The following ABHD17C variants were observed in gnomAD, a reference collection of about 807,000 sequenced individuals.
ABHD17C encodes abhydrolase domain containing 17C, depalmitoylase.
Under a neutral mutation model 27.9 loss-of-function variants are expected in ABHD17C, and 11 were observed. The ratio of observed to expected loss-of-function variants is 0.39; its 90% CI spans 0.25 to 0.65. ABHD17C has a LOEUF of 0.65. ABHD17C is among the 30% of genes least tolerant of loss of function. The pLI, the probability that ABHD17C is intolerant of heterozygous loss-of-function variation, is 0.45. For synonymous variants in ABHD17C, 233 were observed against 209.1 expected (o/e 1.11, Z -0.98); for missense variants, 280 against 470.2 (o/e 0.60, Z 3.74).
intron 1 of ABHD17C, among the ~76,000 whole-genome samples, chr15:80,715,312 A>G (rs1254806533): frequency 6.6e-6 from 1 of 152,224 alleles, no homozygotes; most frequent in African/African-American, 2.4e-5. Flanking sequence ...TCAGAGGAAG[A>G]TGGCTGAGGA....
At chr15:80,746,219 C>G (rs1895281118) in intron 1 of ABHD17C, among the ~76,000 whole-genome samples, 1 of 151,486 alleles carries the variant, frequency 6.6e-6, no homozygotes, top group Non-Finnish European at 1.5e-5. Flanking sequence ...CTTTTTTTCT[C>G]TTTCTCTGTC....
At chr15:80,746,384 A>G (rs971565864) in intron 1 of ABHD17C, among the ~76,000 whole-genome samples, 1 of 151,306 alleles carries the variant, frequency 6.6e-6, no homozygotes, top group Admixed American at 6.6e-5. Flanking sequence ...TCACTTTCTT[A>G]TGGGTGTCTT....
chr15:80,715,274 A>G (rs560901634), intron 1 of ABHD17C, among the ~76,000 whole-genome samples: 1 of 152,200 alleles, frequency 6.6e-6, no homozygotes, highest in African/African-American at 2.4e-5. Flanking sequence ...GGTTCTGACC[A>G]CTTTACCATT....
chr15:80,728,927 TA>T (rs1267748948), intron 1 of ABHD17C, among the ~76,000 whole-genome samples: 1 of 152,226 alleles, frequency 6.6e-6, no homozygotes, highest in African/African-American at 2.4e-5. Context: ...ACAGATTTTC[TA>T]AAGTCTGTAT....
intron 1 of ABHD17C, among the ~76,000 whole-genome samples, chr15:80,716,365 G>A (rs760531890): frequency 2.0e-5 from 3 of 151,960 alleles, no homozygotes; most frequent in African/African-American, 7.2e-5. Context: ...CAAGACCACA[G>A]GGACAGCCGC....
intron 1 of ABHD17C, among the ~76,000 whole-genome samples, chr15:80,710,515 G>T (rs57783949): frequency 0.21 from 32,025 of 152,096 alleles, 3,515 homozygotes; most frequent in Middle Eastern, 0.33. Flanking sequence ...CAATTAGGAT[G>T]CAAATGCAGT....
chr15:80,752,038 A>G (rs1260834160), intron 2 of ABHD17C, among the ~76,000 whole-genome samples: 1 of 152,226 alleles, frequency 6.6e-6, no homozygotes, highest in African/African-American at 2.4e-5. Context: ...TATTTCATTT[A>G]TAGTTTATTT....
chr15:80,730,775 C>T (rs1271337661), intron 1 of ABHD17C, among the ~76,000 whole-genome samples: 1 of 152,066 alleles, frequency 6.6e-6, no homozygotes, highest in Non-Finnish European at 1.5e-5. Flanking sequence ...GCTGCTTTGT[C>T]TCTGGTTATT....
chr15:80,713,085 C>CAT (rs545736484), intron 1 of ABHD17C, among the ~76,000 whole-genome samples: 4 of 144,072 alleles, frequency 2.8e-5, no homozygotes, highest in African/African-American at 1.0e-4. Flanking sequence ...CTTTGTAAGT[C>CAT]TTTTTTTTTT....
chr15:80,724,028 C>G lies in ABHD17C; in HGVS notation c.591-25485C>G, dbSNP rs1181113704. 2.6e-5 allele frequency among the ~76,000 whole-genome samples: 4 copies of G among 152,146 alleles called. No individual in the cohort carries two copies. The East Asian group carries it at 7.7e-4, about 29-fold the overall frequency. ...GACCAGCCTGGCCAACATGGTGAAA[C>G]CCTGTCTCTACTGAAAATACAAAAA... On this transcript the variant is annotated intron_variant, in intron 1 of 2. Transcript: ENST00000258884.
chr15:80,695,496 C>T lies in ABHD17C; in HGVS notation c.67C>T (p.Pro23Ser), dbSNP rs1404160939. The T allele has an allele frequency of 7.2e-7, 1 of 1,390,926 alleles. No individual in the cohort carries two copies. 86.2% of individuals were successfully genotyped at this position (1,390,926 alleles called of 1,614,324 possible). ...TGAGCTGTGCTGGCTCTTCTGCTGC[C>T]CGCCCTGCCCGAGCCGCATCGCCGC... The part of the protein sequence containing the change: ...LGELCWLFCC[P>S]PCPSRIAAKL... The change falls in exon 1 of 3, where the codon CCG becomes TCG. Residue 23 changes from proline to serine, a missense_variant. Pro to Ser is a moderately conservative substitution (Grantham distance 74). Coordinates refer to ENST00000258884, the MANE Select transcript of ABHD17C (RefSeq NM_021214.2). This position sits in a 1 kb window ranked among gnomAD's most constrained non-coding sequence, Gnocchi z 4.3.
At chr15:80,729,733 G>A (rs1344076652) in intron 1 of ABHD17C, among the ~76,000 whole-genome samples, 2 of 152,208 alleles carry the variant, frequency 1.3e-5, no homozygotes, top group Non-Finnish European at 2.9e-5. Context: ...GAACTTGCAC[G>A]TTTGATATGT....
At chr15:80,712,749 C>G (rs1375572772) in intron 1 of ABHD17C, among the ~76,000 whole-genome samples, 2 of 152,088 alleles carry the variant, frequency 1.3e-5, no homozygotes, top group Non-Finnish European at 2.9e-5. Context: ...AAGGATATGC[C>G]TATACTTCAA....
chr15:80,733,707 A>G (rs1401245193), intron 1 of ABHD17C, among the ~76,000 whole-genome samples: 1 of 152,210 alleles, frequency 6.6e-6, no homozygotes. Flanking sequence ...GTCAGTGTCA[A>G]GCAGGCAAAC....
At chr15:80,725,880 T>G (rs368086679) in intron 1 of ABHD17C, among the ~76,000 whole-genome samples, 2 of 152,222 alleles carry the variant, frequency 1.3e-5, no homozygotes, top group East Asian at 3.9e-4. Context: ...ACCAGCTCGG[T>G]TGGGGAGACC....
intron 1 of ABHD17C, among the ~76,000 whole-genome samples, chr15:80,729,674 C>T (rs2141509699): frequency 6.6e-6 from 1 of 152,194 alleles, no homozygotes; most frequent in South Asian, 2.1e-4. Context: ...AACAGGGAGT[C>T]GGATGTATTA....
intron 1 of ABHD17C, among the ~76,000 whole-genome samples, chr15:80,717,449 G>A (rs772536669): frequency 3.3e-5 from 5 of 150,842 alleles, no homozygotes; most frequent in Non-Finnish European, 5.9e-5. Context: ...GCTGGAGGGC[G>A]GTGGCATAAT....
chr15:80,749,360 C>G (rs2141523645), intron 1 of ABHD17C, among the ~76,000 whole-genome samples, 153 bp from the exon 2 acceptor site: 1 of 152,304 alleles, frequency 6.6e-6, no homozygotes, highest in African/African-American at 2.4e-5. Context: ...TTGTCAAGCT[C>G]ACATTCATCT....
intron 1 of ABHD17C, among the ~76,000 whole-genome samples, chr15:80,717,773 A>T (rs560622709): frequency 2.0e-5 from 3 of 152,180 alleles, no homozygotes; most frequent in African/African-American, 7.2e-5. Flanking sequence ...CAAAAGTTGA[A>T]TTAGGATTGA....
Sources: allele counts gnomAD v4.1 joint callset (sites outside exome capture counted in the v4.1 genomes callset), GRCh38; gene constraint gnomAD v4.1.1; non-coding constraint Gnocchi (gnomAD v3.1); transcripts MANE v1.5; gene names NCBI Gene and HGNC (gene_info 2026-07-23, HGNC 2026-07-21).